OR52E8: variants seen among roughly 807,000 people sequenced by gnomAD.
OR52E8 encodes the protein olfactory receptor family 52 subfamily E member 8.
For missense variants in OR52E8, 451 were observed against 383.9 expected, an observed-to-expected ratio of 1.17 and a Z score of -1.46; for synonymous variants, 167 against 141.1, an observed-to-expected ratio of 1.18 and a Z score of -1.30.
chr11:5,857,522 G>C lies in OR52E8; in HGVS notation c.169C>G (p.Leu57Val). 1 of 1,609,628 alleles carries C rather than the reference G, an allele frequency of 6.2e-7. No individual in the cohort carries two copies. The highest frequency in any genetic ancestry group is 8.5e-7 in the Non-Finnish European group (1 of 1,179,796). Reference protein sequence around the residue: ...LLFVIQTEQSLHEPMYYFLAM... With the variant: ...LLFVIQTEQSVHEPMYYFLAM... ...AGGAAGTAGTACATAGGCTCATGGAGACTCTGCTCAGTCTGGATCACAAAC... is the reference window on the plus strand; with the variant it reads ...AGGAAGTAGTACATAGGCTCATGGACACTCTGCTCAGTCTGGATCACAAAC... Residue 57 changes from leucine to valine, a missense_variant, in exon 1 of 1, where the codon CTC becomes GTC. By Grantham distance (32) the Leu-to-Val change is conservative. Transcript: ENST00000537935.
At position 5,857,018 on chromosome 11, in the gene OR52E8, C is replaced by T. The variant is rs1056886716; in HGVS notation, c.673G>A (p.Ala225Thr). Residue 225 changes from alanine (A) to threonine (T), a missense_variant, in exon 1 of 1, where the codon GCT (alanine) becomes ACT (threonine). Transcript: ENST00000537935. ...TCCCAGGAGGGCAGGCAGAAGACAG[C>T]ATACAGGATCCTGACATAGGAGAGA... ...IILSYVRILY[A>T]VFCLPSWEAR... 5 of 1,607,384 alleles carry T rather than the reference C, an allele frequency of 3.1e-6. No individual in the cohort carries two copies. In the African/African-American group the frequency reaches 4.3e-5, roughly 14 times the overall value.
Position 5,857,143 on chromosome 11 carries a change from T to A in OR52E8, c.548A>T (p.His183Leu). 1 of 1,609,812 alleles carries A rather than the reference T, an allele frequency of 6.2e-7. No homozygotes were observed. Among genetic ancestry groups the A allele is most frequent in the East Asian group, 2.2e-5 (1 of 44,834 alleles). The part of the protein sequence containing the change: ...HRIIPHTYCE[H>L]MGIARLACAS... ...ACAGGCCAGACGGGCAATGCCCATG[T>A]GCTCACAATAAGTATGAGGGATGAT... The change falls in exon 1 of 1, where the codon CAC becomes CTC. Residue 183 changes from histidine to leucine, a missense_variant. Transcript: ENST00000537935.
At position 5,857,497 on chromosome 11, in the gene OR52E8, AG is replaced by A. The variant is rs755093786; in HGVS notation, c.193del (p.Leu65TrpfsTer72). 2.8e-5 allele frequency: 45 copies of A among 1,609,526 alleles called. No homozygotes were observed. In the South Asian group the frequency reaches 4.8e-4, roughly 17 times the overall value. ...QSLHEPMYYF[L>X]AMLDSIDLGL... ...CAGGTCAATGGAATCCAACATGGCC[AG>A]GAAGTAGTACATAGGCTCATGGAGA... On this transcript the variant is annotated frameshift_variant, in exon 1 of 1. Coordinates refer to ENST00000537935, the MANE Select transcript of OR52E8 (RefSeq NM_001005168.3). LOFTEE classifies it low-confidence loss of function (END_TRUNC).
At position 5,856,863 on chromosome 11, in the gene OR52E8, T is replaced by A. The variant is rs771134632; in HGVS notation, c.828A>T (p.Ile276=). 8 of 1,607,728 alleles carry A rather than the reference T, an allele frequency of 5.0e-6. No homozygotes were observed. The highest frequency in any genetic ancestry group is 6.8e-6 in the Non-Finnish European group (8 of 1,179,448). The change falls in exon 1 of 1, where the codon ATA becomes ATT. Residue 276 remains isoleucine, a synonymous_variant. Coordinates refer to ENST00000537935, the MANE Select transcript of OR52E8 (RefSeq NM_001005168.3). ...GHNIPQYIHI[I]LANLYVVVPP... ...GGACAACCACATACAGGTTGGCTAA[T>A]ATAATATGTATATACTGTGGGATAT...
In OR52E8 at chr11:5,856,805, T is replaced by C. The variant is rs149142892; in HGVS notation, c.886A>G (p.Arg296Gly). 1.8e-5 allele frequency: 29 copies of C among 1,602,230 alleles called. No individual in the cohort carries two copies. Among genetic ancestry groups the C allele is most frequent in the Non-Finnish European group, 8.5e-6 (10 of 1,177,444 alleles). ...PALNPVIYGV[R>G]TKQIRERVLR... ...ACTCTCTCTCGAATCTGCTTTGTCCTGACTCCATAGATTACAGGATTGAGG... is the reference window on the plus strand; with the variant it reads ...ACTCTCTCTCGAATCTGCTTTGTCCCGACTCCATAGATTACAGGATTGAGG... The change falls in exon 1 of 1, where the codon AGG (arginine) becomes GGG (glycine). Residue 296 changes from arginine to glycine, a missense_variant. Coordinates refer to ENST00000537935, the MANE Select transcript of OR52E8 (RefSeq NM_001005168.3).
Position 5,856,847 on chromosome 11 carries a change from C to A in OR52E8, c.844G>T (p.Val282Leu), listed in dbSNP as rs769995304. Residue 282 changes from valine (V) to leucine (L), a missense_variant, in exon 1 of 1, where the codon GTG becomes TTG. Val to Leu is a conservative substitution (Grantham distance 32). Transcript: ENST00000537935. Reference sequence around the variant, plus strand: ...GGATTGAGGGCTGGTGGGACAACCACATACAGGTTGGCTAATATAATATGT... The same window carrying A: ...GGATTGAGGGCTGGTGGGACAACCAAATACAGGTTGGCTAATATAATATGT... ...YIHIILANLY[V>L]VVPPALNPVI... 1.9e-6 allele frequency: 3 copies of A among 1,607,660 alleles called. No homozygotes were observed. Among genetic ancestry groups the A allele is most frequent in the Non-Finnish European group, 2.5e-6 (3 of 1,179,426 alleles).
Position 5,856,779 on chromosome 11 carries a change from C to A in OR52E8, c.912G>T (p.Val304=). ...GVRTKQIRER[V]LRIFLKTNH is the part of the protein sequence containing the mutation. ...GATTGGTCTTGAGAAAAATCCTCAG[C>A]ACTCTCTCTCGAATCTGCTTTGTCC... Residue 304 remains valine (V), a synonymous_variant, in exon 1 of 1, where the codon GTG becomes GTT. Coordinates refer to ENST00000537935, the MANE Select transcript of OR52E8 (RefSeq NM_001005168.3). 1 of 1,570,890 alleles carries A rather than the reference C, an allele frequency of 6.4e-7. No individual in the cohort carries two copies. Among genetic ancestry groups the A allele is most frequent in the Non-Finnish European group, 8.6e-7 (1 of 1,163,516 alleles).
In OR52E8 at chr11:5,857,587, A is replaced by G; in HGVS notation, c.104T>C (p.Phe35Ser). The G allele has an allele frequency of 6.2e-7, 1 of 1,609,398 alleles. No homozygotes were observed. Among genetic ancestry groups the G allele is most frequent in the Non-Finnish European group, 8.5e-7 (1 of 1,179,786 alleles). Residue 35 changes from phenylalanine to serine, a missense_variant, in exon 1 of 1, where the codon TTT (phenylalanine) becomes TCT (serine). By Grantham distance (155) the Phe-to-Ser change is radical (BLOSUM62 -2). Transcript: ENST00000537935. ...TCCCAGGAGTGCAACAAGATACACA[A>G]AGAAAAAAGGGACTCCAATCCAAAT... ...VHIWIGVPFF[F>S]VYLVALLGNT...
In OR52E8 at chr11:5,857,321, G is replaced by C; in HGVS notation, c.370C>G (p.Arg124Gly). 2 of 1,610,224 alleles carry C rather than the reference G, an allele frequency of 1.2e-6. No homozygotes were observed. Among genetic ancestry groups the C allele is most frequent in the Non-Finnish European group, 1.7e-6 (2 of 1,179,876 alleles). ...AGAGGTTTGCAAATGGCAATGTAGC[G>C]GTCAAAGGCCATGGCCACCAACACA... is the stretch of plus-strand genomic sequence containing the variant. ...SIVLVAMAFD[R>G]YIAICKPLRY... Residue 124 changes from arginine (R) to glycine (G), a missense_variant, in exon 1 of 1, where the codon CGC (arginine) becomes GGC (glycine). Coordinates refer to ENST00000537935, the MANE Select transcript of OR52E8 (RefSeq NM_001005168.3).
At position 5,857,154 on chromosome 11, in the gene OR52E8, A is replaced by G; in HGVS notation, c.537T>C (p.Thr179=). Residue 179 remains threonine (T), a synonymous_variant, in exon 1 of 1, where the codon ACT becomes ACC. Transcript: ENST00000537935. ...PFCGHRIIPH[T]YCEHMGIARL... ...GGGCAATGCCCATGTGCTCACAATA[A>G]GTATGAGGGATGATACGATGCCCAC... The G allele has an allele frequency of 1.9e-6, 3 of 1,609,980 alleles. No individual in the cohort carries two copies. In the South Asian group the frequency reaches 3.3e-5, roughly 18 times the overall value.
chr11:5,857,589 G>GA lies in OR52E8; in HGVS notation c.101dup (p.Phe35LeufsTer20). ...CCAGGAGTGCAACAAGATACACAAAGAAAAAAGGGACTCCAATCCAAATGT... is the reference window on the plus strand; with the variant it reads ...CCAGGAGTGCAACAAGATACACAAAGAAAAAAAGGGACTCCAATCCAAATGT... On this transcript the variant is annotated frameshift_variant, in exon 1 of 1. Coordinates refer to ENST00000537935, the MANE Select transcript of OR52E8 (RefSeq NM_001005168.3). LOFTEE classifies it low-confidence loss of function (END_TRUNC). The GA allele has an allele frequency of 6.6e-7, 1 of 1,509,508 alleles. No individual in the cohort carries two copies. Among genetic ancestry groups the GA allele is most frequent in the Non-Finnish European group, 9.0e-7 (1 of 1,116,008 alleles). 93.5% of individuals were successfully genotyped at this position (1,509,508 alleles called of 1,614,324 possible). A position where few individuals can be genotyped will look rare whatever the true frequency, so the allele number is the denominator to read the frequency against.
Position 5,857,625 on chromosome 11 carries a change from T to C in OR52E8, c.66A>G (p.Leu22=). The C allele has an allele frequency of 1.2e-6, 2 of 1,609,596 alleles. No homozygotes were observed. Among genetic ancestry groups the C allele is most frequent in the African/African-American group, 1.4e-5 (1 of 71,076 alleles). ...CTCCAATCCAAATGTGCACATCTTC[T>C]AGCCCTGGGATACCCAGCAGTAGGA... ...SSFLLLGIPG[L]EDVHIWIGVP... is the part of the protein sequence containing the mutation. The change falls in exon 1 of 1, where the codon CTA becomes CTG. Residue 22 remains leucine (L), a synonymous_variant. Coordinates refer to ENST00000537935, the MANE Select transcript of OR52E8 (RefSeq NM_001005168.3).
rs775133468 is a variant in OR52E8 at position 5,857,535 on chromosome 11, C to T, written c.156G>A (p.Gln52=). The change falls in exon 1 of 1, where the codon CAG becomes CAA. Residue 52 remains glutamine (Q), a synonymous_variant. Transcript: ENST00000537935. ...LGNTALLFVI[Q]TEQSLHEPMY... ...TAGGCTCATGGAGACTCTGCTCAGT[C>T]TGGATCACAAACAAGAGAGCAGTGT... The T allele has an allele frequency of 6.2e-6, 10 of 1,609,382 alleles. 1 individual carries two copies. Among genetic ancestry groups the T allele is most frequent in the African/African-American group, 4.2e-5 (3 of 70,856 alleles).
chr11:5,857,062 A>G lies in OR52E8; in HGVS notation c.629T>C (p.Leu210Pro). The G allele has an allele frequency of 1.2e-6, 2 of 1,608,862 alleles. No individual in the cohort carries two copies. Among genetic ancestry groups the G allele is most frequent in the Non-Finnish European group, 1.7e-6 (2 of 1,179,786 alleles). The stretch of plus-strand genomic sequence containing the variant: ...GGAGAGAATAATAAGGATAACATCC[A>G]GTAACAAGAGAGATATGTTGCCAAG... Reference protein sequence around the residue: ...FGLGNISLLLLDVILIILSYV... With the variant: ...FGLGNISLLLPDVILIILSYV... The change falls in exon 1 of 1, where the codon CTG (leucine) becomes CCG (proline). Residue 210 changes from leucine (L) to proline (P), a missense_variant. Leu to Pro is a moderately conservative substitution (Grantham distance 98). Transcript: ENST00000537935.
chr11:5,856,835 G>A lies in OR52E8; in HGVS notation c.856C>T (p.Pro286Ser), dbSNP rs141683852. The change falls in exon 1 of 1, where the codon CCA becomes TCA. Residue 286 changes from proline (P) to serine (S), a missense_variant. Physicochemically the swap from Pro to Ser is moderately conservative, Grantham distance 74 (BLOSUM62 -1). Coordinates refer to ENST00000537935, the MANE Select transcript of OR52E8 (RefSeq NM_001005168.3). ...ILANLYVVVP[P>S]ALNPVIYGVR... ...CCATAGATTACAGGATTGAGGGCTG[G>A]TGGGACAACCACATACAGGTTGGCT... 27 of 1,607,128 alleles carry A rather than the reference G, an allele frequency of 1.7e-5. No homozygotes were observed. Among genetic ancestry groups the A allele is most frequent in the African/African-American group, 7.2e-5 (5 of 69,814 alleles).
In OR52E8 at chr11:5,857,111, T is replaced by G; in HGVS notation, c.580A>C (p.Ile194Leu). 1.2e-6 allele frequency: 2 copies of G among 1,609,498 alleles called. No individual in the cohort carries two copies. Among genetic ancestry groups the G allele is most frequent in the Non-Finnish European group, 1.7e-6 (2 of 1,179,864 alleles). Residue 194 changes from isoleucine to leucine, a missense_variant, in exon 1 of 1, where the codon ATC (isoleucine) becomes CTC (leucine). Coordinates refer to ENST00000537935, the MANE Select transcript of OR52E8 (RefSeq NM_001005168.3). ...MGIARLACAS[I>L]KVNIRFGLGN... ...AGGCCAAACCTAATGTTGACTTTGA[T>G]GCTGGCACAGGCCAGACGGGCAATG... is the stretch of plus-strand genomic sequence containing the variant.
chr11:5,856,839 G>T lies in OR52E8; in HGVS notation c.852C>A (p.Val284=), dbSNP rs369366947. 4.2e-5 allele frequency: 68 copies of T among 1,607,420 alleles called. 4 individuals are homozygous for T. In the African/African-American group the frequency reaches 8.7e-4, roughly 21 times the overall value. Residue 284 remains valine (V), a synonymous_variant, in exon 1 of 1, where the codon GTC becomes GTA. Transcript: ENST00000537935. ...HIILANLYVV[V]PPALNPVIYG... ...AGATTACAGGATTGAGGGCTGGTGG[G>T]ACAACCACATACAGGTTGGCTAATA...
Position 5,857,480 on chromosome 11 carries a change from T to C in OR52E8, c.211A>G (p.Ile71Val), listed in dbSNP as rs1338015234. The C allele has an allele frequency of 6.2e-7, 1 of 1,609,910 alleles. No individual in the cohort carries two copies. Among genetic ancestry groups the C allele is most frequent in the Non-Finnish European group, 8.5e-7 (1 of 1,179,826 alleles). Residue 71 changes from isoleucine to valine, a missense_variant, in exon 1 of 1, where the codon ATT becomes GTT. Ile to Val is a conservative substitution (Grantham distance 29, BLOSUM62 3). Transcript: ENST00000537935. ...GTGGCTGTAGACAAGCCCAGGTCAA[T>C]GGAATCCAACATGGCCAGGAAGTAG... ...MYYFLAMLDS[I>V]DLGLSTATIP...
Position 5,857,063 on chromosome 11 carries a change from G to T in OR52E8, c.628C>A (p.Leu210Met), listed in dbSNP as rs767259390. ...GAGAGAATAATAAGGATAACATCCA[G>T]TAACAAGAGAGATATGTTGCCAAGG... Reference protein sequence around the residue: ...FGLGNISLLLLDVILIILSYV... With the variant: ...FGLGNISLLLMDVILIILSYV... The change falls in exon 1 of 1, where the codon CTG becomes ATG. Residue 210 changes from leucine (L) to methionine (M), a missense_variant. By Grantham distance (15) the Leu-to-Met change is conservative. Transcript: ENST00000537935. 3 of 1,608,720 alleles carry T rather than the reference G, an allele frequency of 1.9e-6. No homozygotes were observed. The highest frequency in any genetic ancestry group is 1.7e-6 in the Non-Finnish European group (2 of 1,179,770).
Sources: allele counts gnomAD v4.1 joint callset, GRCh38; gene constraint gnomAD v4.1.1; transcripts MANE v1.5; gene names NCBI Gene and HGNC (gene_info 2026-07-23, HGNC 2026-07-21).